The following SGIP1 variants were observed in gnomAD, a reference collection of about 807,000 sequenced individuals.
The protein encoded by SGIP1 is SH3-containing GRB2-like protein 3-interacting protein 1.
Under a neutral mutation model 107.5 loss-of-function variants are expected in SGIP1, and 38 were observed. That is an observed-to-expected ratio of 0.35 (90% confidence interval 0.27 to 0.46). The LOEUF is 0.46. Among genes scored for constraint, SGIP1 ranks in the 20% least tolerant of loss-of-function variants. The probability of loss-of-function intolerance (pLI) is 1.00; values close to 1 mark genes in which losing one functional copy is unlikely to be tolerated. For synonymous variants in SGIP1, 365 were observed against 366.1 expected (o/e 1.00, Z 0.03); for missense variants, 929 against 1,019.5 (o/e 0.91, Z 1.21).
intron 19 of SGIP1, among the ~76,000 whole-genome samples, chr1:66,725,476 G>A (rs960604876): frequency 6.6e-6 from 1 of 152,116 alleles, no homozygotes; most frequent in Non-Finnish European, 1.5e-5. Flanking sequence ...GAACTTAGAG[G>A]TGAAGTACTA....
chr1:66,661,517 CA>C (rs996667593), intron 8 of SGIP1, among the ~76,000 whole-genome samples: 15 of 152,264 alleles, frequency 9.9e-5, no homozygotes, highest in African/African-American at 3.4e-4. Flanking sequence ...TAAAATGTCT[CA>C]AAATGTGAGC....
intron 4 of SGIP1, among the ~76,000 whole-genome samples, chr1:66,636,346 C>T (rs938952643): frequency 2.0e-5 from 3 of 152,212 alleles, no homozygotes; most frequent in Non-Finnish European, 4.4e-5. Context: ...AATATCACCA[C>T]ATAAATTGAG....
At chr1:66,713,390 G>A (rs2093037837) in intron 18 of SGIP1, among the ~76,000 whole-genome samples, 1 of 152,054 alleles carries the variant, frequency 6.6e-6, no homozygotes, top group African/African-American at 2.4e-5. Flanking sequence ...CCACTTACCA[G>A]CAGAGTTACT....
chr1:66,597,286 C>T (rs765682127), intron 1 of SGIP1, among the ~76,000 whole-genome samples: 6 of 152,146 alleles, frequency 3.9e-5, no homozygotes, highest in South Asian at 2.1e-4. Context: ...ATTTAGCTTC[C>T]GCTTATAAGT....
chr1:66,546,045 AG>A (rs2056322168), intron 1 of SGIP1, among the ~76,000 whole-genome samples: 1 of 152,192 alleles, frequency 6.6e-6, no homozygotes, highest in Non-Finnish European at 1.5e-5. Flanking sequence ...GAAAGAGTCA[AG>A]CCACCCAGCA....
At chr1:66,732,399 G>T (rs1392517781) in intron 20 of SGIP1, among the ~76,000 whole-genome samples, 1 of 152,122 alleles carries the variant, frequency 6.6e-6, no homozygotes, top group Non-Finnish European at 1.5e-5. Context: ...AAAAAACTCA[G>T]ATAGCCCTTA....
At chr1:66,634,210 T>C (rs1460981713) in intron 3 of SGIP1, 3 of 1,490,466 alleles carry the variant, frequency 2.0e-6, no homozygotes, top group Non-Finnish European at 2.8e-6. Flanking sequence ...CTTGGTCCCC[T>C]CCCTGGGTTC....
intron 1 of SGIP1, among the ~76,000 whole-genome samples, chr1:66,599,792 AC>A (rs1319194436): frequency 4.6e-5 from 7 of 152,204 alleles, no homozygotes; most frequent in African/African-American, 1.7e-4. Flanking sequence ...GTGAGGTCTT[AC>A]AGAGAATATT....
At chr1:66,568,204 T>C (rs942453154) in intron 1 of SGIP1, among the ~76,000 whole-genome samples, 3 of 152,166 alleles carry the variant, frequency 2.0e-5, no homozygotes, top group Admixed American at 6.6e-5. Context: ...TAGTTCTCCC[T>C]GAAGAGGTCC....
intron 1 of SGIP1, among the ~76,000 whole-genome samples, chr1:66,539,432 T>C (rs2054372071): frequency 1.3e-5 from 2 of 152,226 alleles, no homozygotes; most frequent in Admixed American, 6.5e-5. Flanking sequence ...TTGGAACTTG[T>C]ATGTTGGTTA....
At chr1:66,649,821 G>T (rs1200680983) in intron 7 of SGIP1, among the ~76,000 whole-genome samples, 2 of 152,130 alleles carry the variant, frequency 1.3e-5, no homozygotes, top group Admixed American at 1.3e-4. Context: ...AAGATAATTT[G>T]AGGGAAAAAG....
intron 1 of SGIP1, among the ~76,000 whole-genome samples, chr1:66,593,414 A>G (rs1182212522): frequency 6.6e-6 from 1 of 152,204 alleles, no homozygotes; most frequent in Non-Finnish European, 1.5e-5. Context: ...TCTACTAGCA[A>G]TGAATAAGAG....
intron 7 of SGIP1, among the ~76,000 whole-genome samples, chr1:66,649,741 CA>C (rs2078365841): frequency 2.4e-5 from 2 of 81,736 alleles, no homozygotes; most frequent in African/African-American, 6.4e-5. Flanking sequence ...CACACATGCA[CA>C]CACACAAAAA....
At chr1:66,684,788 T>C (rs2087783662) in intron 15 of SGIP1, among the ~76,000 whole-genome samples, 1 of 152,230 alleles carries the variant, frequency 6.6e-6, no homozygotes, top group Non-Finnish European at 1.5e-5. Flanking sequence ...TTTGTTTTCT[T>C]TCTGGAATTT....
chr1:66,552,509 C>T (rs900286908), intron 1 of SGIP1, among the ~76,000 whole-genome samples: 2 of 152,048 alleles, frequency 1.3e-5, no homozygotes, highest in East Asian at 1.9e-4. Flanking sequence ...CTTTGTTCTT[C>T]CCTCACACAG....
chr1:66,640,557 C>T (rs2076588473), intron 5 of SGIP1, among the ~76,000 whole-genome samples: 1 of 152,094 alleles, frequency 6.6e-6, no homozygotes, highest in African/African-American at 2.4e-5. Context: ...TGAAATGAGA[C>T]AGTGCTTGAA....
At chr1:66,709,935 G>C (rs183410450) in intron 18 of SGIP1, among the ~76,000 whole-genome samples, 2 of 151,816 alleles carry the variant, frequency 1.3e-5, no homozygotes, top group South Asian at 2.1e-4. Context: ...ACATTACATA[G>C]AGATACATTT....
intron 19 of SGIP1, among the ~76,000 whole-genome samples, chr1:66,721,001 C>T (rs1305637707): frequency 6.6e-6 from 1 of 152,142 alleles, no homozygotes; most frequent in East Asian, 1.9e-4. Context: ...TACTAGCCAG[C>T]CACTAGGATC....
chr1:66,745,768 G>T lies in SGIP1; in HGVS notation c.*2673G>T, dbSNP rs1213792438. ...CTTTAGCAAGATAAAAAGTATAAAT[G>T]ATGCTACTTTATTTTGGCAACATGG... On this transcript the variant is annotated 3_prime_UTR_variant, in exon 25 of 25. Transcript: ENST00000371037. 1.3e-5 allele frequency: 2 copies of T among 152,118 alleles called. No individual in the cohort carries two copies. Among genetic ancestry groups the T allele is most frequent in the Admixed American group, 6.5e-5 (1 of 15,296 alleles). 9.4% of individuals were successfully genotyped at this position (152,118 alleles called of 1,614,324 possible).
Sources: allele counts gnomAD v4.1 joint callset (sites outside exome capture counted in the v4.1 genomes callset), GRCh38; gene constraint gnomAD v4.1.1; transcripts MANE v1.5; gene names NCBI Gene and HGNC (gene_info 2026-07-23, HGNC 2026-07-21).